TBC1D32: variants seen among roughly 807,000 people sequenced by gnomAD.
TBC1D32 encodes TBC1 domain family member 32.
TBC1D32 carries 151 observed loss-of-function variants against 170.3 expected under a neutral mutation model. That is an observed-to-expected ratio of 0.89 (90% CI 0.78 to 1.01). TBC1D32 has a LOEUF of 1.01. Ranked by LOEUF, TBC1D32 falls within the 50% of genes least tolerant of loss-of-function variation. The pLI is 0.00. For missense variants in TBC1D32, 1,464 were observed against 1,457.1 expected (o/e 1.00, Z -0.08); for synonymous variants, 498 against 488.0 (o/e 1.02, Z -0.27).
chr6:121,312,854 G>A (rs1158423166), intron 3 of TBC1D32, among the ~76,000 whole-genome samples: 3 of 152,098 alleles, frequency 2.0e-5, no homozygotes, highest in African/African-American at 7.2e-5. Context: ...TATAAGAAAA[G>A]CTTGTAAAAA....
intron 28 of TBC1D32, 41 bp downstream of exon 28, chr6:121,113,021 G>T: frequency 6.9e-7 from 1 of 1,446,150 alleles, no homozygotes; most frequent in Non-Finnish European, 9.5e-7. Flanking sequence ...AAAAATATGT[G>T]AAAAAAATTA....
chr6:121,292,280 G>C (rs1804985461), intron 11 of TBC1D32, 87 bp from the exon 12 acceptor site: 1 of 1,360,614 alleles, frequency 7.3e-7, no homozygotes, highest in Admixed American at 2.5e-5. Context: ...CATTAAACAA[G>C]GCTACAGGCT....
At chr6:121,133,410 G>A (rs1051649870) in intron 24 of TBC1D32, among the ~76,000 whole-genome samples, 5 of 151,794 alleles carry the variant, frequency 3.3e-5, no homozygotes, top group East Asian at 3.9e-4. Flanking sequence ...CAATATCACT[G>A]CCCTCATGAA....
chr6:121,124,741 T>G (rs117961408), intron 26 of TBC1D32, among the ~76,000 whole-genome samples: 98 of 141,290 alleles, frequency 6.9e-4, no homozygotes, highest in Non-Finnish European at 1.4e-3. Context: ...CCTCAGACTA[T>G]GTATTTTCAA....
intron 3 of TBC1D32, among the ~76,000 whole-genome samples, chr6:121,313,274 A>ATTTTTTTTTTTTTT (rs1164149264): frequency 8.0e-6 from 1 of 125,532 alleles, no homozygotes; most frequent in African/African-American, 3.1e-5. Flanking sequence ...CCTGGCCTTA[A>ATTTTTTTTTTTTTT]TTTTTTTTTT....
At chr6:121,243,245 T>C (rs1797205464) in intron 17 of TBC1D32, among the ~76,000 whole-genome samples, 1 of 151,676 alleles carries the variant, frequency 6.6e-6, no homozygotes, top group South Asian at 2.1e-4. Flanking sequence ...TAATAAAAAA[T>C]ATAGAGAAAT....
intron 15 of TBC1D32, among the ~76,000 whole-genome samples, chr6:121,272,350 T>C (rs1402213889): frequency 1.3e-5 from 2 of 151,926 alleles, no homozygotes; most frequent in Non-Finnish European, 2.9e-5. Context: ...CTTTTTACAA[T>C]CTATCCATCT....
chr6:121,294,492 T>C, intron 11 of TBC1D32, 78 bp downstream of exon 11: 2 of 1,051,976 alleles, frequency 1.9e-6, no homozygotes, highest in Admixed American at 2.5e-5. Context: ...CATTAAAAAA[T>C]AAAAGTTCCT....
chr6:121,257,734 A>G (rs969278820), intron 15 of TBC1D32, among the ~76,000 whole-genome samples: 3 of 151,866 alleles, frequency 2.0e-5, no homozygotes, highest in Non-Finnish European at 2.9e-5. Flanking sequence ...TTTTTTTTAT[A>G]TACTTTATGT....
At chr6:121,309,756 A>G (rs1247250275) in intron 4 of TBC1D32, among the ~76,000 whole-genome samples, 1 of 152,188 alleles carries the variant, frequency 6.6e-6, no homozygotes, top group Non-Finnish European at 1.5e-5. Context: ...TTTTCTGGCC[A>G]GGCACAGTGG....
chr6:121,319,812 T>C (rs2128499656), intron 2 of TBC1D32, among the ~76,000 whole-genome samples: 1 of 152,236 alleles, frequency 6.6e-6, no homozygotes, highest in East Asian at 1.9e-4. Context: ...ATCATCAATA[T>C]CAAGAGTTAA....
intron 31 of TBC1D32, among the ~76,000 whole-genome samples, chr6:121,085,739 T>G (rs1399880328): frequency 3.9e-5 from 6 of 152,026 alleles, no homozygotes; most frequent in Non-Finnish European, 7.4e-5. Context: ...GTTTATATAG[T>G]GTTTGTAATT....
chr6:121,198,673 C>T (rs1384579555), intron 22 of TBC1D32, among the ~76,000 whole-genome samples: 1 of 151,014 alleles, frequency 6.6e-6, no homozygotes, highest in Non-Finnish European at 1.5e-5. Context: ...ATGGCATGAA[C>T]CCGGGAGGCG....
At chr6:121,175,023 C>CTAA (rs1787571878) in intron 22 of TBC1D32, among the ~76,000 whole-genome samples, 1 of 130,894 alleles carries the variant, frequency 7.6e-6, no homozygotes, top group Non-Finnish European at 1.6e-5. Context: ...CAGACCTTGT[C>CTAA]AAAAAAAAAA....
intron 1 of TBC1D32, among the ~76,000 whole-genome samples, chr6:121,327,053 T>C (rs1477070169): frequency 6.6e-6 from 1 of 152,146 alleles, no homozygotes; most frequent in Non-Finnish European, 1.5e-5. Flanking sequence ...AAGCTGCTAT[T>C]CTATAATGGT....
rs1775518757 is a variant in TBC1D32, at chr6:121,080,302, C to T, written c.*469G>A. ...GCACAATCTTGGCTCACTGCAACCT[C>T]CGCCTCCCGGGTTCAAGCGATTCTC... On this transcript the variant is annotated 3_prime_UTR_variant, in exon 32 of 32. Transcript: ENST00000398212. 2 of 274,408 alleles carry T rather than the reference C, an allele frequency of 7.3e-6. No homozygotes were observed. The highest frequency in any genetic ancestry group is 1.5e-5 in the Non-Finnish European group (2 of 129,450). The allele number at this position is 274,408 out of a possible 1,614,324, so 17.0% of individuals were successfully genotyped here. A position where few individuals can be genotyped will look rare whatever the true frequency, so the allele number is the denominator to read the frequency against.
At chr6:121,302,182 C>T (rs74387383) in intron 9 of TBC1D32, among the ~76,000 whole-genome samples, 3,648 of 152,178 alleles carry the variant, frequency 0.024, 162 homozygotes, top group East Asian at 0.12. Context: ...TTAAATTCTG[C>T]CTAGACCCAC....
intron 31 of TBC1D32, among the ~76,000 whole-genome samples, chr6:121,088,029 C>T (rs564212507): frequency 6.6e-5 from 10 of 151,222 alleles, no homozygotes; most frequent in African/African-American, 1.9e-4. Context: ...TGGCCCACTG[C>T]GGCCTCGACC....
intron 5 of TBC1D32, among the ~76,000 whole-genome samples, chr6:121,305,209 T>C (rs1350403477): frequency 1.3e-5 from 2 of 152,050 alleles, no homozygotes; most frequent in Admixed American, 6.6e-5. Flanking sequence ...AAATTCATCA[T>C]TTTTAATTGC....
Sources: gnomAD v4.1 joint callset for allele counts (sites outside exome capture counted in the v4.1 genomes callset) on GRCh38, gnomAD v4.1.1 for gene constraint, MANE v1.5 for transcripts, NCBI Gene and HGNC (gene_info 2026-07-23, HGNC 2026-07-21) for gene names.